The following PCDH11X variants were observed in gnomAD, a reference collection of about 807,000 sequenced individuals.
PCDH11X encodes the protein protocadherin 11 X-linked.
A neutral mutation model predicts 53.3 loss-of-function variants in PCDH11X; 18 were observed. The observed-to-expected ratio is 0.34, with a 90% CI of 0.23 to 0.50. PCDH11X has a LOEUF of 0.50. Among genes scored for constraint, PCDH11X ranks in the 20% least tolerant of loss-of-function variants. The pLI is 0.98. For synonymous variants in PCDH11X, 279 were observed against 393.3 expected (o/e 0.71, Z 3.44); for missense variants, 570 against 1,032.4 (o/e 0.55, Z 6.14).
At chrX:92,440,390 ATAAG>A (rs1427086587) in intron 9 of PCDH11X, among the ~76,000 whole-genome samples, 2 of 109,112 alleles carry the variant, frequency 1.8e-5, no homozygotes, top group Admixed American at 2.0e-4. Context: ...GCTCTCACTT[ATAAG>A]TAAGAACATG....
intron 6 of PCDH11X, among the ~76,000 whole-genome samples, chrX:92,126,330 C>T (rs2064861070): frequency 9.2e-6 from 1 of 108,645 alleles, no homozygotes; most frequent in East Asian, 3.0e-4. Context: ...ACGTTCTCTC[C>T]CCGGGAGTGG....
rs1335075346 is a variant in PCDH11X, at chrX:92,620,037, T to G, written c.*1097T>G. On this transcript the variant is annotated 3_prime_UTR_variant, in exon 11 of 11. Transcript: ENST00000682573. ...TAAGACTAAGGGATTTTTGTTATTC[T>G]AGCTCAACTTACTGAAGAAAACCAC... The G allele has an allele frequency of 9.0e-6, 1 of 110,558 alleles. No homozygotes were observed. The highest frequency in any genetic ancestry group is 1.9e-5 in the Non-Finnish European group (1 of 52,803). 9.1% of individuals were successfully genotyped at this position (110,558 alleles called of 1,213,427 possible). A position where few individuals can be genotyped will look rare whatever the true frequency, so the allele number is the denominator to read the frequency against.
chrX:92,497,022 G>A (rs1425740997), intron 10 of PCDH11X, among the ~76,000 whole-genome samples: 3 of 111,775 alleles, frequency 2.7e-5, no homozygotes, highest in African/African-American at 6.5e-5. Context: ...TAGTTAAAGC[G>A]GTAAAGCAGA....
At chrX:92,238,039 A>C (rs1336332475) in intron 7 of PCDH11X, among the ~76,000 whole-genome samples, 3 of 111,956 alleles carry the variant, frequency 2.7e-5, no homozygotes, top group Non-Finnish European at 5.7e-5. Context: ...ATTGGCTTTT[A>C]AAAGTGCCTT....
At chrX:91,990,338 A>T (rs1400527525) in intron 6 of PCDH11X, among the ~76,000 whole-genome samples, 3 of 84,784 alleles carry the variant, frequency 3.5e-5, no homozygotes, top group East Asian at 3.9e-4. Flanking sequence ...CTTTGCAGAA[A>T]CTTTCTATTT....
chrX:92,436,805 G>A (rs1261411402), intron 9 of PCDH11X, among the ~76,000 whole-genome samples: 1 of 109,549 alleles, frequency 9.1e-6, no homozygotes, highest in Non-Finnish European at 1.9e-5. Flanking sequence ...CAGACAAAGG[G>A]GGCCTCCTTG....
chrX:92,139,672 CTT>C (rs1421780450), intron 6 of PCDH11X, among the ~76,000 whole-genome samples: 1 of 111,546 alleles, frequency 9.0e-6, no homozygotes, highest in Non-Finnish European at 1.9e-5. Context: ...CAATAAGAAA[CTT>C]TATCAGAAAG....
At chrX:92,406,207 A>T in intron 9 of PCDH11X, among the ~76,000 whole-genome samples, 1 of 109,979 alleles carries the variant, frequency 9.1e-6, no homozygotes, top group Non-Finnish European at 1.9e-5. Context: ...CCAAGTGAGT[A>T]TTGCTATACA....
intron 6 of PCDH11X, among the ~76,000 whole-genome samples, chrX:92,197,136 TC>T (rs2066305424): frequency 9.0e-6 from 1 of 111,569 alleles, no homozygotes; most frequent in African/African-American, 3.3e-5. Context: ...AAAGCCTCTA[TC>T]CTTTCCACTG....
At chrX:91,795,153 T>A (rs992800030) in intron 1 of PCDH11X, among the ~76,000 whole-genome samples, 4 of 112,128 alleles carry the variant, frequency 3.6e-5, no homozygotes, top group Non-Finnish European at 7.5e-5. Flanking sequence ...ATTTCTGATA[T>A]TTTTTTGTCT....
At chrX:92,084,601 T>G (rs2063920514) in intron 6 of PCDH11X, among the ~76,000 whole-genome samples, 1 of 110,545 alleles carries the variant, frequency 9.0e-6, no homozygotes, top group African/African-American at 3.3e-5. Context: ...CAAAAAAATT[T>G]ACTTAAATAA....
intron 7 of PCDH11X, among the ~76,000 whole-genome samples, chrX:92,236,276 G>C (rs1380962898): frequency 9.0e-6 from 1 of 110,860 alleles, no homozygotes; most frequent in Non-Finnish European, 1.9e-5. Flanking sequence ...TAGTGAATGG[G>C]ATTAGATACT....
At chrX:91,929,556 A>G (rs768909388) in intron 6 of PCDH11X, among the ~76,000 whole-genome samples, 114 of 111,154 alleles carry the variant, frequency 1.0e-3, no homozygotes, top group Non-Finnish European at 1.7e-3. Context: ...TGTTTTAACT[A>G]TCATTACTGA....
chrX:91,957,081 T>C (rs2061719969), intron 6 of PCDH11X, among the ~76,000 whole-genome samples: 1 of 110,918 alleles, frequency 9.0e-6, no homozygotes, highest in Non-Finnish European at 1.9e-5. Context: ...TGCGAAGTTC[T>C]TGTGTTGTGT....
chrX:92,290,857 G>T lies in PCDH11X; in HGVS notation c.3144+27714G>T, dbSNP rs749122674. Among the ~76,000 whole-genome samples the T allele has an allele frequency of 1.1e-3, 115 of 104,630 alleles. 1 individual carries two copies. Among genetic ancestry groups the T allele is most frequent in the African/African-American group, 3.9e-3 (111 of 28,576 alleles). The allele number at this position is 104,630 out of a possible 115,157, so 90.9% of individuals were successfully genotyped here. A position where few individuals can be genotyped will look rare whatever the true frequency, so the allele number is the denominator to read the frequency against. ...TTATAAAATAGTTTACATTGAGGAT[G>T]TAGTTAGTGGATGAAAGATGAACTG... is the stretch of plus-strand genomic sequence containing the variant. On this transcript the variant is annotated intron_variant, in intron 8 of 10. Transcript: ENST00000682573.
At chrX:91,956,034 A>G (rs1166370454) in intron 6 of PCDH11X, among the ~76,000 whole-genome samples, 3 of 109,621 alleles carry the variant, frequency 2.7e-5, no homozygotes, top group Non-Finnish European at 3.8e-5. Context: ...TTTTAAATCC[A>G]TATTGGTTTA....
At chrX:92,453,607 G>A (rs1237251262) in intron 9 of PCDH11X, among the ~76,000 whole-genome samples, 1 of 110,852 alleles carries the variant, frequency 9.0e-6, no homozygotes, top group African/African-American at 3.3e-5. Context: ...TTTATGGTAC[G>A]ACATACAGTG....
At chrX:92,109,833 G>A (rs112298795) in intron 6 of PCDH11X, among the ~76,000 whole-genome samples, 6,570 of 112,216 alleles carry the variant, frequency 0.059, 484 homozygotes, top group African/African-American at 0.2. Context: ...GCCTAGGAAT[G>A]AACAAGGACA....
chrX:92,334,042 T>C (rs1368035981), intron 8 of PCDH11X, among the ~76,000 whole-genome samples: 1 of 111,588 alleles, frequency 9.0e-6, no homozygotes, highest in South Asian at 3.7e-4. Flanking sequence ...TTTTTTTCAA[T>C]GAATACTGTA....
Sources: gnomAD v4.1 joint callset for allele counts (sites outside exome capture counted in the v4.1 genomes callset) on GRCh38, gnomAD v4.1.1 for gene constraint, MANE v1.5 for transcripts, NCBI Gene and HGNC (gene_info 2026-07-23, HGNC 2026-07-21) for gene names.